The following SLC35F4 variants were observed in gnomAD, a reference collection of about 807,000 sequenced individuals.
SLC35F4 encodes chromosome 14 open reading frame 36.
Under a neutral mutation model 44.2 loss-of-function variants are expected in SLC35F4, and 24 were observed. That is an observed-to-expected ratio of 0.54 (90% CI 0.39 to 0.76). The LOEUF (loss-of-function observed/expected upper bound fraction) is 0.76, where lower values mean the gene tolerates loss of function less well. Among genes scored for constraint, SLC35F4 ranks in the 30% least tolerant of loss-of-function variants. The pLI is 0.00. For synonymous variants in SLC35F4, 238 were observed against 223.6 expected, an observed-to-expected ratio of 1.06 and a Z score of -0.57; for missense variants, 562 against 586.1, an observed-to-expected ratio of 0.96 and a Z score of 0.42.
At chr14:57,949,210 A>G (rs1156315287) in intron 1 of SLC35F4, among the ~76,000 whole-genome samples, 1 of 152,118 alleles carries the variant, frequency 6.6e-6, no homozygotes, top group African/African-American at 2.4e-5. Context: ...TAGTAGCTTC[A>G]GTGTTAGGTG....
intron 1 of SLC35F4, among the ~76,000 whole-genome samples, chr14:57,706,366 CA>C (rs1194190762): frequency 6.6e-6 from 1 of 152,102 alleles, no homozygotes; most frequent in Non-Finnish European, 1.5e-5. Context: ...AATGTAACTT[CA>C]AAAATTGGAC....
At chr14:57,852,636 GAAT>G (rs1886685797) in intron 1 of SLC35F4, among the ~76,000 whole-genome samples, 1 of 152,168 alleles carries the variant, frequency 6.6e-6, no homozygotes, top group Non-Finnish European at 1.5e-5. Flanking sequence ...AAGTCTGTGG[GAAT>G]AATAATGTCA....
chr14:57,953,421 C>T (rs751816673), intron 1 of SLC35F4, among the ~76,000 whole-genome samples: 5 of 152,170 alleles, frequency 3.3e-5, no homozygotes, highest in Admixed American at 6.5e-5. Context: ...GGATCAAATT[C>T]ACACATAACA....
rs999870633 is a variant in SLC35F4 at position 57,727,492 on chromosome 14, A to G, written c.104-133368T>C. ...TAAGATGCATCATTAGGTTATTTTT[A>G]GCTTTTTTTTTTTCTTTTTTAACAT... On this transcript the variant is annotated intron_variant, in intron 1 of 7. Transcript: ENST00000556826. Among the ~76,000 whole-genome samples, 6 of 148,470 alleles carry G rather than the reference A, an allele frequency of 4.0e-5. 1 individual carries two copies. Among genetic ancestry groups the G allele is most frequent in the Non-Finnish European group, 4.5e-5 (3 of 67,138 alleles).
At chr14:57,857,516 T>C (rs559800846) in intron 1 of SLC35F4, among the ~76,000 whole-genome samples, 1 of 152,144 alleles carries the variant, frequency 6.6e-6, no homozygotes, top group African/African-American at 2.4e-5. Flanking sequence ...AATAATTATC[T>C]CTCTAATTTC....
chr14:57,579,280 C>A (rs1376898285), intron 4 of SLC35F4: 1 of 152,154 alleles, frequency 6.6e-6, no homozygotes, highest in African/African-American at 2.4e-5. Context: ...TTTGGAGTCA[C>A]CACTCAACCC....
intron 1 of SLC35F4, among the ~76,000 whole-genome samples, chr14:57,717,429 G>A (rs1416970745): frequency 6.6e-6 from 1 of 152,150 alleles, no homozygotes; most frequent in South Asian, 2.1e-4. Context: ...GAGGTCAGGA[G>A]ATCGAGACCA....
intron 1 of SLC35F4, among the ~76,000 whole-genome samples, chr14:57,968,368 T>C (rs976941088): frequency 1.3e-5 from 2 of 152,228 alleles, no homozygotes; most frequent in East Asian, 1.9e-4. Context: ...CATTACACAA[T>C]GGCACAACTA....
intron 1 of SLC35F4, among the ~76,000 whole-genome samples, chr14:57,907,976 T>C (rs1475283963): frequency 6.6e-6 from 1 of 152,104 alleles, no homozygotes. Flanking sequence ...TGGTGTGTGA[T>C]GTTCCCCTCT....
upstream of SLC35F4, among the ~76,000 whole-genome samples, chr14:57,869,176 A>G (rs1888243242): frequency 6.6e-6 from 1 of 151,768 alleles, no homozygotes; most frequent in African/African-American, 2.4e-5. Flanking sequence ...TGAGTATACA[A>G]TTAGGTATTC....
At chr14:57,965,993 A>C (rs1366699819) in intron 1 of SLC35F4, among the ~76,000 whole-genome samples, 1 of 152,258 alleles carries the variant, frequency 6.6e-6, no homozygotes, top group Non-Finnish European at 1.5e-5. Context: ...AGTAACTGCC[A>C]GTAGGACCCA....
chr14:57,631,037 G>A (rs549737720), intron 1 of SLC35F4: 9 of 182,476 alleles, frequency 4.9e-5, no homozygotes, highest in African/African-American at 1.2e-4. Context: ...TGGTAGAACC[G>A]TTAACCTAGA....
intron 1 of SLC35F4, among the ~76,000 whole-genome samples, chr14:57,658,087 T>C (rs1039130286): frequency 2.6e-5 from 4 of 152,178 alleles, no homozygotes; most frequent in Non-Finnish European, 4.4e-5. Context: ...ACTCAGTCAA[T>C]TGCTTTTCTC....
At chr14:57,628,867 A>C (rs2072616703) in intron 1 of SLC35F4, among the ~76,000 whole-genome samples, 1 of 152,142 alleles carries the variant, frequency 6.6e-6, no homozygotes, top group South Asian at 2.1e-4. Flanking sequence ...TTTTCATTTC[A>C]AAACTGCCAA....
intron 1 of SLC35F4, among the ~76,000 whole-genome samples, chr14:57,765,054 C>G (rs898630528): frequency 6.6e-6 from 1 of 152,138 alleles, no homozygotes; most frequent in Non-Finnish European, 1.5e-5. Context: ...CTGATCTAGG[C>G]GCTGCTAACA....
chr14:57,795,847 A>G (rs1261839534), intron 1 of SLC35F4, among the ~76,000 whole-genome samples: 1 of 152,066 alleles, frequency 6.6e-6, no homozygotes, highest in Non-Finnish European at 1.5e-5. Context: ...GGTTTGTTAC[A>G]TGGGCAAATT....
intron 1 of SLC35F4, among the ~76,000 whole-genome samples, chr14:57,769,582 T>G (rs1222772294): frequency 6.6e-6 from 1 of 152,226 alleles, no homozygotes; most frequent in East Asian, 1.9e-4. Context: ...AGAAGATGAA[T>G]TCATAAATTC....
intron 1 of SLC35F4, among the ~76,000 whole-genome samples, chr14:57,664,440 G>A (rs568265198): frequency 4.6e-5 from 7 of 151,966 alleles, no homozygotes; most frequent in East Asian, 1.9e-4. Context: ...ACAGAGTCTC[G>A]CTCCGTCATC....
chr14:57,635,029 C>T (rs2072957082), intron 1 of SLC35F4, among the ~76,000 whole-genome samples: 1 of 152,000 alleles, frequency 6.6e-6, no homozygotes, highest in Non-Finnish European at 1.5e-5. Context: ...GCAGGAGGAT[C>T]ACTTGAGGCC....
Sources: gnomAD v4.1 joint callset for allele counts (sites outside exome capture counted in the v4.1 genomes callset) on GRCh38, gnomAD v4.1.1 for gene constraint, MANE v1.5 for transcripts, NCBI Gene and HGNC (gene_info 2026-07-23, HGNC 2026-07-21) for gene names.